PLCH1: variants seen among roughly 807,000 people sequenced by gnomAD.
PLCH1 encodes 1-phosphatidylinositol 4,5-bisphosphate phosphodiesterase eta-1.
PLCH1 carries 60 observed loss-of-function variants against 126.7 expected under a neutral mutation model. The observed-to-expected ratio is 0.47, with a 90% confidence interval of 0.38 to 0.59. PLCH1 has a LOEUF of 0.59. PLCH1 is among the 20% of genes least tolerant of loss of function. The pLI is 0.00. For missense variants in PLCH1, 1,723 were observed against 2,040.0 expected (o/e 0.84, Z 2.99); for synonymous variants, 719 against 734.9 (o/e 0.98, Z 0.35).
intron 2 of PLCH1, among the ~76,000 whole-genome samples, chr3:155,665,594 G>T (rs976547457): frequency 6.6e-6 from 1 of 152,192 alleles, no homozygotes; most frequent in Non-Finnish European, 1.5e-5. Context: ...ACAGCAATTA[G>T]ATCTGCCTCT....
chr3:155,458,511 G>A (rs1216334666), intron 21 of PLCH1, among the ~76,000 whole-genome samples: 24 of 99,136 alleles, frequency 2.4e-4, no homozygotes, highest in African/African-American at 1.5e-3. Context: ...AAAGAAGAGA[G>A]AGAAATAAGA....
At chr3:155,643,410 C>T (rs1448233424) in intron 2 of PLCH1, among the ~76,000 whole-genome samples, 1 of 152,176 alleles carries the variant, frequency 6.6e-6, no homozygotes, top group Non-Finnish European at 1.5e-5. Context: ...GCTGATCTGA[C>T]TATATACTCA....
rs1435194912 is a variant in PLCH1, at chr3:155,545,362, C to A, written c.1362+4425G>T. The stretch of plus-strand genomic sequence containing the variant: ...GGAAGAAGTTGACTCTCTGAATAGA[C>A]CAATAACAGGCTCTGAAATTGTGTC... On this transcript the variant is annotated intron_variant, in intron 10 of 22. Transcript: ENST00000460012. Among the ~76,000 whole-genome samples the A allele has an allele frequency of 2.0e-5, 3 of 151,988 alleles. No individual in the cohort carries two copies. The South Asian group carries it at 6.3e-4, about 32-fold the overall frequency.
chr3:155,497,553 G>A lies in PLCH1; in HGVS notation c.1797-136C>T, dbSNP rs578131935. On this transcript the variant is annotated intron_variant, in intron 14 of 22. Transcript: ENST00000460012. ...CCCAGGTCCTAAGGGAGCCAGGATT[G>A]GCACCCAAGTGTGCTTCCTAGTTCA... 2.4e-4 allele frequency: 152 copies of A among 642,286 alleles called. 3 individuals are homozygous for A. In the South Asian group the frequency reaches 2.6e-3, roughly 11 times the overall value. The allele number at this position is 642,286 out of a possible 1,614,324, so 39.8% of individuals were successfully genotyped here. A position where few individuals can be genotyped will look rare whatever the true frequency, so the allele number is the denominator to read the frequency against.
intron 2 of PLCH1, among the ~76,000 whole-genome samples, chr3:155,698,692 C>T (rs1217922246): frequency 6.6e-6 from 1 of 152,206 alleles, no homozygotes; most frequent in Non-Finnish European, 1.5e-5. Flanking sequence ...GAGAACAACT[C>T]ACCCAGAGTA....
chr3:155,522,527 A>C (rs1721239654), intron 11 of PLCH1, among the ~76,000 whole-genome samples: 1 of 152,206 alleles, frequency 6.6e-6, no homozygotes, highest in African/African-American at 2.4e-5. Flanking sequence ...CCAAGAAAGA[A>C]GTGTCTACTG....
chr3:155,546,739 T>A lies in PLCH1; in HGVS notation c.1362+3048A>T, dbSNP rs930097213. ...GAGCCCTCAGAAATAACGCCCCATG[T>A]CTACAACTATCTGATCTTTGACAAA... On this transcript the variant is annotated intron_variant, in intron 10 of 22. Coordinates refer to ENST00000460012, the MANE Select transcript of PLCH1 (RefSeq NM_014996.4). 8.7e-5 allele frequency among the ~76,000 whole-genome samples: 13 copies of A among 149,256 alleles called. No homozygotes were observed. The Middle Eastern group carries it at 0.011, about 121-fold the overall frequency.
At chr3:155,616,028 C>A (rs1349366427) in intron 2 of PLCH1, among the ~76,000 whole-genome samples, 1 of 152,090 alleles carries the variant, frequency 6.6e-6, no homozygotes, top group East Asian at 1.9e-4. Flanking sequence ...GTTCAACTTG[C>A]TTGCTTTAGA....
intron 1 of PLCH1, among the ~76,000 whole-genome samples, chr3:155,722,070 A>T (rs186397304): frequency 6.6e-6 from 1 of 152,240 alleles, no homozygotes; most frequent in East Asian, 1.9e-4. Context: ...AAGTGGTGAA[A>T]GTGGGCATCC....
chr3:155,523,015 C>T (rs1721353791), intron 11 of PLCH1, among the ~76,000 whole-genome samples: 2 of 151,844 alleles, frequency 1.3e-5, no homozygotes, highest in African/African-American at 2.4e-5. Context: ...CGCTCTGTCG[C>T]CCAGGCTGGA....
chr3:155,691,199 G>A (rs1381894666), intron 2 of PLCH1, among the ~76,000 whole-genome samples: 1 of 152,184 alleles, frequency 6.6e-6, no homozygotes, highest in Admixed American at 6.5e-5. Context: ...ATCTAACAAT[G>A]TGACTTGTGG....
rs11426252 is a variant in PLCH1 at position 155,592,327 on chromosome 3, CAA to C, written c.470+1612_470+1613del. Among the ~76,000 whole-genome samples the C allele has an allele frequency of 2.3e-3, 281 of 122,772 alleles. 2 individuals carry two copies. Among genetic ancestry groups the C allele is most frequent in the East Asian group, 7.3e-3 (30 of 4,084 alleles). 80.5% of individuals were successfully genotyped at this position (122,772 alleles called of 152,430 possible). On this transcript the variant is annotated intron_variant, in intron 4 of 22. Transcript: ENST00000460012. ...GTGAAATGCTGCTCTACTAAAAATA[CAA>C]AAAAAAAAAAAAAAAATTAGCGGGG...
chr3:155,566,198 T>TATATAC (rs1728410534), intron 7 of PLCH1, among the ~76,000 whole-genome samples: 5 of 32,198 alleles, frequency 1.6e-4, no homozygotes, highest in Non-Finnish European at 6.4e-4. Flanking sequence ...TATATACACA[T>TATATAC]ACATATATAC....
intron 21 of PLCH1, among the ~76,000 whole-genome samples, chr3:155,467,574 C>CA (rs71302278): frequency 0.31 from 41,009 of 131,860 alleles, 6,221 homozygotes; most frequent in East Asian, 0.44. Context: ...AACTCTGTCT[C>CA]AAAAAAAAAA....
chr3:155,736,689 T>C (rs1749199854), intron 1 of PLCH1, among the ~76,000 whole-genome samples: 1 of 152,158 alleles, frequency 6.6e-6, no homozygotes. Flanking sequence ...CAGAAGACCT[T>C]AGAGAACACT....
intron 2 of PLCH1, among the ~76,000 whole-genome samples, chr3:155,655,703 C>A (rs998729548): frequency 6.6e-6 from 1 of 152,074 alleles, no homozygotes; most frequent in Non-Finnish European, 1.5e-5. Context: ...ACCCTAGAAT[C>A]GGACATCACC....
intron 2 of PLCH1, among the ~76,000 whole-genome samples, chr3:155,627,949 C>G (rs1334657211): frequency 6.6e-6 from 1 of 151,662 alleles, no homozygotes; most frequent in African/African-American, 2.4e-5. Context: ...GTAATTTTAG[C>G]AGAGGCAGGG....
intron 2 of PLCH1, among the ~76,000 whole-genome samples, chr3:155,605,166 G>A (rs543806488): frequency 5.9e-5 from 9 of 152,176 alleles, no homozygotes; most frequent in Admixed American, 5.2e-4. Context: ...CTCTCTCTTT[G>A]TCTCCACCAC....
chr3:155,521,141 AATAGATCCCTTAC>A (rs1453369290), intron 11 of PLCH1, among the ~76,000 whole-genome samples: 2 of 152,168 alleles, frequency 1.3e-5, no homozygotes, highest in African/African-American at 4.8e-5. Flanking sequence ...CTAAAATTTC[AATAGATCCCTTAC>A]ATATACACAT....
Sources: gnomAD v4.1 joint callset for allele counts (sites outside exome capture counted in the v4.1 genomes callset) on GRCh38, gnomAD v4.1.1 for gene constraint, MANE v1.5 for transcripts, NCBI Gene and HGNC (gene_info 2026-07-23, HGNC 2026-07-21) for gene names.